The following SERPINA12 variants were observed in gnomAD, a reference collection of about 807,000 sequenced individuals.
SERPINA12 encodes the protein serpin A12.
Under a neutral mutation model 25.9 loss-of-function variants are expected in SERPINA12, and 21 were observed. That is an observed-to-expected ratio of 0.81 (90% CI 0.58 to 1.17). The LOEUF (loss-of-function observed/expected upper bound fraction) is 1.17. SERPINA12 is among the 50% of genes most tolerant of loss of function. The probability of loss-of-function intolerance (pLI) is 0.00; values close to 1 mark genes in which losing one functional copy is unlikely to be tolerated. For synonymous variants in SERPINA12, 220 were observed against 196.0 expected, an observed-to-expected ratio of 1.12 and a Z score of -1.02; for missense variants, 562 against 508.3, an observed-to-expected ratio of 1.11 and a Z score of -1.02.
intron 3 of SERPINA12, among the ~76,000 whole-genome samples, chr14:94,490,359 T>C (rs1238418393): frequency 6.6e-6 from 1 of 152,046 alleles, no homozygotes. Context: ...AACTAGCAGC[T>C]TCACATCCTC....
At chr14:94,489,805 C>T (rs1249252920) in intron 3 of SERPINA12, 38 bp from the exon 4 acceptor site, 1 of 1,604,088 alleles carries the variant, frequency 6.2e-7, no homozygotes, top group Non-Finnish European at 8.5e-7. Context: ...TGGTCAAGTC[C>T]TGTTGTGTTG....
In SERPINA12 at chr14:94,497,948, A is replaced by G. The variant is rs1368646086; in HGVS notation, c.450T>C (p.Phe150=). The stretch of plus-strand genomic sequence containing the variant: ...TGTAAAAGTTCTTGGCATCTTCCAA[A>G]AACTTACGCTGTGGCTGCAGCCTCT... ...IDQRLQPQRK[F]LEDAKNFYSA... is the part of the protein sequence containing the mutation. Residue 150 remains phenylalanine, a synonymous_variant, in exon 2 of 5, where the codon TTT becomes TTC. Transcript: ENST00000677451. 3.1e-6 allele frequency: 5 copies of G among 1,614,156 alleles called. No homozygotes were observed.
In SERPINA12 at chr14:94,507,899, A is replaced by T. The variant is rs75205634; in HGVS notation, c.-34+1443T>A. Among the ~76,000 whole-genome samples, 43 of 152,386 alleles carry T rather than the reference A, an allele frequency of 2.8e-4. No homozygotes were observed. In the East Asian group the frequency reaches 8.3e-3, roughly 29 times the overall value. Reference sequence around the variant, plus strand: ...TACCAAGACATGTACTGCAATGTCCATAGCAGCTTTATGTGATAGACCTAA... The same window carrying T: ...TACCAAGACATGTACTGCAATGTCCTTAGCAGCTTTATGTGATAGACCTAA... On this transcript the variant is annotated intron_variant, in intron 1 of 4. Coordinates refer to ENST00000677451, the MANE Select transcript of SERPINA12 (RefSeq NM_001382267.1).
At chr14:94,512,879 C>T (rs1229408617), upstream of SERPINA12, among the ~76,000 whole-genome samples, 1 of 152,124 alleles carries the variant, frequency 6.6e-6, no homozygotes, top group Non-Finnish European at 1.5e-5. Context: ...TTTGGGAAAA[C>T]AGAGTGGTTG....
intron 1 of SERPINA12, among the ~76,000 whole-genome samples, chr14:94,517,068 G>A (rs79875736): frequency 8.3e-4 from 126 of 152,356 alleles, no homozygotes; most frequent in African/African-American, 2.9e-3. Flanking sequence ...CCCTTTGGGG[G>A]CACAGCACAT....
upstream of SERPINA12, among the ~76,000 whole-genome samples, chr14:94,513,839 C>G (rs529790560): frequency 3.9e-5 from 6 of 152,314 alleles, no homozygotes; most frequent in East Asian, 1.9e-4. Context: ...AATAACCTGA[C>G]CAGTGGGACT....
intron 1 of SERPINA12, chr14:94,501,106 A>G (rs10146894): frequency 0.074 from 72,551 of 985,088 alleles, 2,824 homozygotes; most frequent in African/African-American, 0.13. Context: ...GAAATTAGTA[A>G]AATTCCCAAG....
chr14:94,491,846 T>A (rs557974693), intron 3 of SERPINA12, among the ~76,000 whole-genome samples: 1 of 151,128 alleles, frequency 6.6e-6, no homozygotes, highest in Non-Finnish European at 1.5e-5. Context: ...AACAGAAAGA[T>A]CCACGACTCT....
chr14:94,487,453 C>T lies in SERPINA12; in HGVS notation c.1095G>A (p.Thr365=), dbSNP rs1280744067. The T allele has an allele frequency of 4.3e-6, 7 of 1,614,038 alleles. No individual in the cohort carries two copies. Among genetic ancestry groups the T allele is most frequent in the South Asian group, 1.1e-5 (1 of 91,046 alleles). ...GTGCTCCGGTGCCAGCGGCCCCTTCCGTACCCCTCTCATCCATCTTCAGCT... is the reference window on the plus strand; with the variant it reads ...GTGCTCCGGTGCCAGCGGCCCCTTCTGTACCCCTCTCATCCATCTTCAGCT... The part of the protein sequence containing the change: ...KAELKMDERG[T]EGAAGTGAQT... The change falls in exon 5 of 5, where the codon ACG becomes ACA. Residue 365 remains threonine, a synonymous_variant. Transcript: ENST00000677451.
chr14:94,499,763 AG>A (rs1316180274), intron 1 of SERPINA12, among the ~76,000 whole-genome samples: 1 of 152,148 alleles, frequency 6.6e-6, no homozygotes, highest in East Asian at 1.9e-4. Flanking sequence ...GGGATGGAAA[AG>A]GGAAGGAGCC....
Position 94,507,270 on chromosome 14 carries a change from G to A in SERPINA12, c.-34+2072C>T, listed in dbSNP as rs185371863. 1.8e-3 allele frequency among the ~76,000 whole-genome samples: 271 copies of A among 152,272 alleles called. 1 individual carries two copies. The highest frequency in any genetic ancestry group is 5.2e-3 in the African/African-American group (215 of 41,552). ...AACCCACAAGAATCAAAATGATAAA[G>A]CTTCTAGAAGAAAATATATTAATAG... On this transcript the variant is annotated intron_variant, in intron 1 of 4. Transcript: ENST00000677451.
At chr14:94,492,765 G>T (rs146851451) in intron 3 of SERPINA12, among the ~76,000 whole-genome samples, 3 of 152,310 alleles carry the variant, frequency 2.0e-5, no homozygotes, top group Non-Finnish European at 4.4e-5. Flanking sequence ...TGTGTGGGGG[G>T]CACCCAGGCT....
intron 3 of SERPINA12, among the ~76,000 whole-genome samples, chr14:94,495,091 T>C (rs61978263): frequency 0.096 from 11,592 of 120,720 alleles, 610 homozygotes; most frequent in Middle Eastern, 0.14. Flanking sequence ...TTTTTTGAGA[T>C]GGAGTCTCGC....
At position 94,498,551 on chromosome 14, in the gene SERPINA12, C is replaced by T. The variant is rs925570681; in HGVS notation, c.-33-121G>A. ...TGTTGTACATAGCAGTTTATGAGTG[C>T]TTTGACCCCTTTATAGCATTTAAAC... is the stretch of plus-strand genomic sequence containing the variant. On this transcript the variant is annotated intron_variant, in intron 1 of 4. Transcript: ENST00000677451. 1.7e-5 allele frequency: 13 copies of T among 751,070 alleles called. No homozygotes were observed. In the African/African-American group the frequency reaches 2.3e-4, roughly 13 times the overall value. The allele number at this position is 751,070 out of a possible 1,614,324, so 46.5% of individuals were successfully genotyped here.
intron 3 of SERPINA12, among the ~76,000 whole-genome samples, chr14:94,491,925 A>T (rs1900193538): frequency 2.0e-5 from 3 of 152,168 alleles, no homozygotes; most frequent in African/African-American, 7.2e-5. Flanking sequence ...TGGTGTTTAA[A>T]GCTCTTAGCC....
chr14:94,497,802 C>G lies in SERPINA12; in HGVS notation c.596G>C (p.Gly199Ala). Residue 199 changes from glycine (G) to alanine (A), a missense_variant, in exon 2 of 5, where the codon GGC becomes GCC. Gly to Ala is a moderately conservative substitution (Grantham distance 60). Transcript: ENST00000677451. ...INNLIENIDPGTVMLLANYIF... is the reference protein window; with the variant it reads ...INNLIENIDPATVMLLANYIF... The stretch of plus-strand genomic sequence containing the variant: ...ATAATTTGCAAGAAGCATCACAGTG[C>G]CGGGGTCTATATTCTCGATCAGGTT... 6.2e-7 allele frequency: 1 copy of G among 1,607,466 alleles called. No individual in the cohort carries two copies.
upstream of SERPINA12, among the ~76,000 whole-genome samples, chr14:94,509,503 A>G (rs1332338541): frequency 6.6e-6 from 1 of 151,918 alleles, no homozygotes; most frequent in Non-Finnish European, 1.5e-5. Context: ...CTTATCTACA[A>G]ACTGGGTGGA....
chr14:94,501,674 A>AC (rs1235399013), intron 1 of SERPINA12, among the ~76,000 whole-genome samples: 9 of 38,836 alleles, frequency 2.3e-4, no homozygotes, highest in Middle Eastern at 0.018. Context: ...CCGCCCCCCC[A>AC]CCCCCGCCCC....
At chr14:94,504,626 G>A (rs747905645) in intron 1 of SERPINA12, among the ~76,000 whole-genome samples, 2 of 152,188 alleles carry the variant, frequency 1.3e-5, no homozygotes, top group African/African-American at 2.4e-5. Context: ...GAAAAAGTTC[G>A]AGGACAGACA....
Sources: allele counts gnomAD v4.1 joint callset (sites outside exome capture counted in the v4.1 genomes callset), GRCh38; gene constraint gnomAD v4.1.1; transcripts MANE v1.5; gene names NCBI Gene and HGNC (gene_info 2026-07-23, HGNC 2026-07-21).